Variants in HDX observed in about 807,000 individuals in gnomAD.
The protein encoded by HDX is highly divergent homeobox, also known as chromosome X open reading frame 43.
Under a neutral mutation model 45.2 loss-of-function variants are expected in HDX, and 19 were observed. The observed-to-expected ratio is 0.42, with a 90% confidence interval of 0.29 to 0.62. The LOEUF is 0.62. Ranked by LOEUF, HDX falls within the 20% of genes least tolerant of loss-of-function variation. HDX has a pLI of 0.20. For missense variants in HDX, 532 were observed against 493.9 expected (o/e 1.08, Z -0.73); for synonymous variants, 188 against 172.8 (o/e 1.09, Z -0.69).
rs776748528 is a variant in HDX at position 84,331,225 on chromosome X, T to C, written c.1824+2534A>G. ...ATTTAGAATTCCTAAGAACATGGAT[T>C]TCTAGTGATGTATCTCAGTCAAAAA... On this transcript the variant is annotated intron_variant, in intron 9 of 10. Coordinates refer to ENST00000373177, the MANE Select transcript of HDX (RefSeq NM_001177479.2). Among the ~76,000 whole-genome samples the C allele has an allele frequency of 5.4e-5, 6 of 111,612 alleles. 1 individual carries two copies. The South Asian group carries it at 2.2e-3, about 42-fold the overall frequency.
At chrX:84,433,571 C>CT (rs1717911279) in intron 5 of HDX, among the ~76,000 whole-genome samples, 1 of 111,644 alleles carries the variant, frequency 9.0e-6, no homozygotes, top group Non-Finnish European at 1.9e-5. Context: ...CAAAACCATA[C>CT]TTTTGTGGTG....
rs779254419 is a variant in HDX, at chrX:84,458,258, G to T, written c.1251+10214C>A. On this transcript the variant is annotated intron_variant, in intron 4 of 10. Coordinates refer to ENST00000373177, the MANE Select transcript of HDX (RefSeq NM_001177479.2). ...AAAATTTAGTTCAATCCCCCAGAAA[G>T]CAACTGGTTTTACTTTTGCACTATC... is the stretch of plus-strand genomic sequence containing the variant. Among the ~76,000 whole-genome samples the T allele has an allele frequency of 2.8e-5, 3 of 108,968 alleles. No individual in the cohort carries two copies. In the East Asian group the frequency reaches 8.6e-4, roughly 31 times the overall value. The allele number at this position is 108,968 out of a possible 115,157, so 94.6% of individuals were successfully genotyped here.
At chrX:84,458,011 T>G (rs1363007903) in intron 4 of HDX, among the ~76,000 whole-genome samples, 2 of 111,841 alleles carry the variant, frequency 1.8e-5, no homozygotes, top group African/African-American at 6.5e-5. Flanking sequence ...GAACCAGAAG[T>G]TCATACTGCT....
At chrX:84,415,175 C>G (rs1438346065) in intron 5 of HDX, among the ~76,000 whole-genome samples, 1 of 112,092 alleles carries the variant, frequency 8.9e-6, no homozygotes, top group Non-Finnish European at 1.9e-5. Context: ...GCTACATTTT[C>G]TGAGTCCCAA....
intron 4 of HDX, among the ~76,000 whole-genome samples, chrX:84,455,199 C>G (rs1002038732): frequency 5.4e-5 from 6 of 111,563 alleles, no homozygotes; most frequent in African/African-American, 2.0e-4. Context: ...CAAGGCCATC[C>G]AGGAAAACAT....
intron 6 of HDX, among the ~76,000 whole-genome samples, chrX:84,348,750 T>C (rs1475637494): frequency 9.0e-6 from 1 of 111,148 alleles, no homozygotes; most frequent in Non-Finnish European, 1.9e-5. Flanking sequence ...TCCTCTACCT[T>C]AGGTGGGACA....
At chrX:84,338,817 T>C (rs2037023035) in intron 7 of HDX, among the ~76,000 whole-genome samples, 1 of 110,907 alleles carries the variant, frequency 9.0e-6, no homozygotes, top group Non-Finnish European at 1.9e-5. Flanking sequence ...TAGATTTCCC[T>C]TTTGATGCTG....
At chrX:84,492,577 A>T (rs1231383122) in intron 1 of HDX, among the ~76,000 whole-genome samples, 1 of 111,788 alleles carries the variant, frequency 8.9e-6, no homozygotes, top group Non-Finnish European at 1.9e-5. Context: ...TCTTCATTAA[A>T]ATACTTAATA....
At chrX:84,448,415 C>T (rs1012528871) in intron 4 of HDX, among the ~76,000 whole-genome samples, 13 of 111,151 alleles carry the variant, frequency 1.2e-4, no homozygotes, top group African/African-American at 4.3e-4. Context: ...CAAGGACAAG[C>T]AGACTCAGCT....
intron 6 of HDX, among the ~76,000 whole-genome samples, chrX:84,357,808 T>G (rs2147839527): frequency 8.9e-6 from 1 of 112,364 alleles, no homozygotes; most frequent in Non-Finnish European, 1.9e-5. Context: ...CAGCTTCTCT[T>G]GTAGTTTGGT....
chrX:84,326,914 CAAAA>C (rs11361719), intron 9 of HDX, among the ~76,000 whole-genome samples: 1 of 79,588 alleles, frequency 1.3e-5, no homozygotes. Flanking sequence ...GAGACTGTCT[CAAAA>C]AAAAAAAAAA....
intron 6 of HDX, among the ~76,000 whole-genome samples, chrX:84,349,673 C>T: frequency 4.0e-5 from 1 of 24,827 alleles, no homozygotes; most frequent in African/African-American, 1.8e-4. Context: ...TGACCTTAAC[C>T]CTAGCCCTGT....
At chrX:84,343,029 T>A (rs2037121390) in intron 7 of HDX, among the ~76,000 whole-genome samples, 1 of 111,129 alleles carries the variant, frequency 9.0e-6, no homozygotes, top group Non-Finnish European at 1.9e-5. Context: ...AGCCTATATA[T>A]TGCACGATTC....
At chrX:84,462,541 C>T (rs1271506636) in intron 4 of HDX, among the ~76,000 whole-genome samples, 2 of 111,139 alleles carry the variant, frequency 1.8e-5, no homozygotes, top group African/African-American at 6.5e-5. Context: ...GTATTTTTTA[C>T]AATCAAAGTG....
chrX:84,420,889 A>C (rs1198428386), intron 5 of HDX, among the ~76,000 whole-genome samples: 2 of 111,968 alleles, frequency 1.8e-5, no homozygotes, highest in Non-Finnish European at 3.8e-5. Context: ...CAACAACAAC[A>C]AAAAACTTTT....
chrX:84,388,686 T>C (rs1005172702), intron 5 of HDX, among the ~76,000 whole-genome samples: 1 of 111,896 alleles, frequency 8.9e-6, no homozygotes, highest in Non-Finnish European at 1.9e-5. Context: ...TATTTTATCC[T>C]TCAGCTCTTG....
intron 1 of HDX, chrX:84,500,038 C>A (rs2041086568): frequency 9.0e-6 from 1 of 111,330 alleles, no homozygotes; most frequent in Admixed American, 9.5e-5. Context: ...AGTGGAATAC[C>A]TCTTTATTTA....
chrX:84,464,041 G>T (rs1251373747), intron 4 of HDX, among the ~76,000 whole-genome samples: 1 of 111,279 alleles, frequency 9.0e-6, no homozygotes, highest in Admixed American at 9.6e-5. Flanking sequence ...GTGTAACACA[G>T]AAAAGAGGCA....
At chrX:84,429,144 A>G (rs1477804099) in intron 5 of HDX, among the ~76,000 whole-genome samples, 1 of 110,703 alleles carries the variant, frequency 9.0e-6, no homozygotes, top group African/African-American at 3.3e-5. Context: ...ATGTTTTTTC[A>G]AAGTTGTTTT....
Sources: gnomAD v4.1 joint callset for allele counts (sites outside exome capture counted in the v4.1 genomes callset) on GRCh38, gnomAD v4.1.1 for gene constraint, MANE v1.5 for transcripts, NCBI Gene and HGNC (gene_info 2026-07-23, HGNC 2026-07-21) for gene names.